The following CD109 variants were observed in gnomAD, a reference collection of about 807,000 sequenced individuals.
The protein encoded by CD109 is CD109 molecule.
CD109 carries 149 observed loss-of-function variants against 165.8 expected under a neutral mutation model. That is an observed-to-expected ratio of 0.90 (90% CI 0.79 to 1.03). The LOEUF (loss-of-function observed/expected upper bound fraction) is 1.03. CD109 is among the 50% of genes least tolerant of loss of function. The pLI, the probability that CD109 is intolerant of heterozygous loss-of-function variation, is 0.00. For synonymous variants in CD109, 585 were observed against 592.1 expected (o/e 0.99, Z 0.18); for missense variants, 1,712 against 1,677.8 (o/e 1.02, Z -0.36).
intron 2 of CD109, among the ~76,000 whole-genome samples, chr6:73,717,809 C>CG (rs1253744139): frequency 4.0e-5 from 6 of 151,168 alleles, no homozygotes; most frequent in Admixed American, 3.3e-4. Context: ...TTAGTAGAGA[C>CG]GGGGTTTCAC....
intron 3 of CD109, among the ~76,000 whole-genome samples, chr6:73,727,689 C>T (rs1350605539): frequency 1.3e-5 from 2 of 152,164 alleles, no homozygotes; most frequent in African/African-American, 4.8e-5. Context: ...CATCAGTCTT[C>T]AATCTAGCAT....
At position 73,810,019 on chromosome 6, in the gene CD109, C is replaced by G; in HGVS notation, c.3391C>G (p.Leu1131Val). 3.1e-6 allele frequency: 5 copies of G among 1,594,762 alleles called. No individual in the cohort carries two copies. Among genetic ancestry groups the G allele is most frequent in the Non-Finnish European group, 4.3e-6 (5 of 1,173,248 alleles). Reference protein sequence around the residue: ...MQFWVSSESKLSDSWQPRSLD... With the variant: ...MQFWVSSESKVSDSWQPRSLD... ...ATTCTGGGTGTCATCAGAGTCCAAA[C>G]TTTCTGACTCCTGGCAGCCACGCTC... Residue 1131 changes from leucine (L) to valine (V), a missense_variant, in exon 27 of 33, where the codon CTT (leucine) becomes GTT (valine). Transcript: ENST00000287097.
intron 24 of CD109, among the ~76,000 whole-genome samples, chr6:73,806,368 G>C (rs549845687): frequency 6.6e-6 from 1 of 152,040 alleles, no homozygotes; most frequent in East Asian, 1.9e-4. Context: ...GTTGTGGGGT[G>C]GGGGGATGGG....
At chr6:73,816,804 G>T (rs552203622) in intron 30 of CD109, among the ~76,000 whole-genome samples, 1 of 152,176 alleles carries the variant, frequency 6.6e-6, no homozygotes, top group Non-Finnish European at 1.5e-5. Context: ...AAGAGAGGGA[G>T]ATTTTTACCT....
rs116789882 is a variant in CD109 at position 73,697,301 on chromosome 6, A to G, written c.75-99A>G. On this transcript the variant is annotated intron_variant, in intron 1 of 32. Coordinates refer to ENST00000287097, the MANE Select transcript of CD109 (RefSeq NM_133493.5). The stretch of plus-strand genomic sequence containing the variant: ...TAACGGAAACAACTGCAATTGGCGC[A>G]GTATGGAGTGCCTATCGCACTAGGA... 3.9e-6 allele frequency: 4 copies of G among 1,017,466 alleles called. No individual in the cohort carries two copies. The African/African-American group carries it at 6.4e-5, about 16-fold the overall frequency. The allele number at this position is 1,017,466 out of a possible 1,614,324, so 63.0% of individuals were successfully genotyped here.
intron 2 of CD109, among the ~76,000 whole-genome samples, chr6:73,721,733 A>C (rs1254345555): frequency 6.6e-6 from 1 of 150,998 alleles, no homozygotes. Flanking sequence ...TTTTCTTTTT[A>C]TTGATTTATT....
upstream of CD109, among the ~76,000 whole-genome samples, chr6:73,692,925 A>G (rs1456731513): frequency 6.6e-6 from 1 of 152,154 alleles, no homozygotes; most frequent in East Asian, 1.9e-4. Flanking sequence ...TTCCTTTATA[A>G]ATTACCCAGT....
At chr6:73,747,902 C>T (rs912905404) in intron 5 of CD109, among the ~76,000 whole-genome samples, 1 of 151,028 alleles carries the variant, frequency 6.6e-6, no homozygotes, top group African/African-American at 2.4e-5. Flanking sequence ...TTTTCCTACC[C>T]TGAGACAGAG....
chr6:73,788,329 A>G, intron 21 of CD109, 139 bp from the exon 22 acceptor site: 1 of 535,922 alleles, frequency 1.9e-6, no homozygotes, highest in East Asian at 3.3e-5. Context: ...AGAAAACAAA[A>G]TAAGAAATGA....
chr6:73,705,362 A>G (rs563762253), intron 2 of CD109, among the ~76,000 whole-genome samples: 1 of 152,312 alleles, frequency 6.6e-6, no homozygotes, highest in African/African-American at 2.4e-5. Flanking sequence ...GAAAAAGACC[A>G]GACACAGTGG....
At chr6:73,771,812 G>A (rs1774045043) in intron 15 of CD109, among the ~76,000 whole-genome samples, 1 of 152,172 alleles carries the variant, frequency 6.6e-6, no homozygotes, top group Non-Finnish European at 1.5e-5. Flanking sequence ...ATCACCTAAA[G>A]TTAGATGGGA....
intron 19 of CD109, among the ~76,000 whole-genome samples, chr6:73,784,584 A>G (rs980777638): frequency 6.6e-6 from 1 of 152,174 alleles, no homozygotes; most frequent in African/African-American, 2.4e-5. Flanking sequence ...AATCTAAGAC[A>G]CCTTCACAAA....
At chr6:73,717,654 C>T (rs1231475432) in intron 2 of CD109, among the ~76,000 whole-genome samples, 2 of 117,550 alleles carry the variant, frequency 1.7e-5, no homozygotes, top group African/African-American at 3.3e-5. Context: ...GAGTCTCGCT[C>T]TGTCACCCAG....
chr6:73,776,399 T>C (rs1305053694), intron 15 of CD109, among the ~76,000 whole-genome samples: 2 of 151,478 alleles, frequency 1.3e-5, no homozygotes, highest in Non-Finnish European at 2.9e-5. Context: ...ACTACAGGTG[T>C]CGCCTCCACG....
intron 26 of CD109, among the ~76,000 whole-genome samples, chr6:73,809,444 AT>A (rs1487623423): frequency 7.2e-5 from 11 of 152,132 alleles, no homozygotes. Flanking sequence ...ATTTATAGCT[AT>A]TTAGTCTTGA....
chr6:73,791,160 T>TATATATACACACATACAC (rs1562070931), intron 22 of CD109, among the ~76,000 whole-genome samples: 2 of 33,410 alleles, frequency 6.0e-5, no homozygotes, highest in African/African-American at 2.4e-4. Flanking sequence ...TATATATATA[T>TATATATACACACATACAC]ATATATATAT....
intron 3 of CD109, among the ~76,000 whole-genome samples, chr6:73,723,493 C>G (rs1179385300): frequency 6.6e-6 from 1 of 152,160 alleles, no homozygotes; most frequent in Non-Finnish European, 1.5e-5. Flanking sequence ...AGATTTTCCT[C>G]TTGTAAAATA....
At chr6:73,785,847 T>C (rs372573687) in intron 20 of CD109, among the ~76,000 whole-genome samples, 2 of 54,492 alleles carry the variant, frequency 3.7e-5, no homozygotes, top group African/African-American at 8.6e-5. Flanking sequence ...TGCAGTTTTG[T>C]TTTTTTTTTT....
At chr6:73,745,237 GATTTACAGGC>G (rs1312796053) in intron 5 of CD109, among the ~76,000 whole-genome samples, 3 of 152,076 alleles carry the variant, frequency 2.0e-5, no homozygotes, top group Non-Finnish European at 2.9e-5. Context: ...GAGTAGCTGG[GATTTACAGGC>G]ATGTGCCACC....
Sources: allele counts gnomAD v4.1 joint callset (sites outside exome capture counted in the v4.1 genomes callset), GRCh38; gene constraint gnomAD v4.1.1; transcripts MANE v1.5; gene names NCBI Gene and HGNC (gene_info 2026-07-23, HGNC 2026-07-21).